Variants in STXBP6 observed in about 807,000 individuals in gnomAD.
The protein encoded by STXBP6 is syntaxin-binding protein 6.
STXBP6 carries 21 observed loss-of-function variants against 26.9 expected under a neutral mutation model. The ratio of observed to expected loss-of-function variants is 0.78; its 90% CI spans 0.55 to 1.12. STXBP6 has a LOEUF of 1.12. STXBP6 is among the 50% of genes most tolerant of loss of function. The probability of loss-of-function intolerance (pLI) is 0.00; values close to 1 mark genes in which losing one functional copy is unlikely to be tolerated. For missense variants in STXBP6, 232 were observed against 257.9 expected (o/e 0.90, Z 0.69); for synonymous variants, 97 against 92.6 (o/e 1.05, Z -0.27).
intron 2 of STXBP6, among the ~76,000 whole-genome samples, chr14:24,871,391 T>C (rs1452578310): frequency 6.6e-6 from 1 of 152,146 alleles, no homozygotes; most frequent in Non-Finnish European, 1.5e-5. Flanking sequence ...GAAGAAAAGA[T>C]TAAAAAATGA....
chr14:24,954,780 G>A (rs1375144045), intron 2 of STXBP6, among the ~76,000 whole-genome samples: 2 of 152,206 alleles, frequency 1.3e-5, no homozygotes, highest in Non-Finnish European at 2.9e-5. Context: ...GGCTTTCACT[G>A]ACAGAAAAAT....
chr14:24,995,204 AG>A (rs1307109699), intron 1 of STXBP6, among the ~76,000 whole-genome samples: 1 of 152,176 alleles, frequency 6.6e-6, no homozygotes, highest in Non-Finnish European at 1.5e-5. Flanking sequence ...ACATGGTAGA[AG>A]GAACAAGGCA....
chr14:25,048,316 G>A (rs1001689164), intron 1 of STXBP6, among the ~76,000 whole-genome samples: 8 of 152,200 alleles, frequency 5.3e-5, no homozygotes, highest in African/African-American at 1.7e-4. Context: ...AGGGAGGTAA[G>A]GCCACGATTA....
chr14:24,865,214 C>A (rs1333879263), intron 2 of STXBP6, among the ~76,000 whole-genome samples: 3 of 151,968 alleles, frequency 2.0e-5, no homozygotes, highest in African/African-American at 7.3e-5. Flanking sequence ...CAAAAATGGA[C>A]AAAATATATG....
At chr14:24,958,060 A>C (rs993685624) in intron 2 of STXBP6, among the ~76,000 whole-genome samples, 2 of 152,222 alleles carry the variant, frequency 1.3e-5, no homozygotes, top group African/African-American at 4.8e-5. Context: ...CTATCTTTTT[A>C]AAACTCATTA....
chr14:24,953,412 T>C (rs1351931399), intron 2 of STXBP6, among the ~76,000 whole-genome samples: 4 of 152,166 alleles, frequency 2.6e-5, no homozygotes, highest in African/African-American at 9.7e-5. Flanking sequence ...CACTCTCTGT[T>C]TGCTGAGCTG....
At chr14:24,883,827 T>C (rs917043227) in intron 2 of STXBP6, among the ~76,000 whole-genome samples, 1 of 152,158 alleles carries the variant, frequency 6.6e-6, no homozygotes, top group Non-Finnish European at 1.5e-5. Context: ...CAAATGGAAA[T>C]GTCAGACTAT....
chr14:24,934,268 A>G (rs1393276924), intron 2 of STXBP6, among the ~76,000 whole-genome samples: 2 of 152,224 alleles, frequency 1.3e-5, no homozygotes, highest in East Asian at 3.8e-4. Flanking sequence ...TCAAGAAATA[A>G]TTCTCTAACA....
At chr14:24,875,582 A>C (rs1460615509) in intron 2 of STXBP6, among the ~76,000 whole-genome samples, 1 of 152,186 alleles carries the variant, frequency 6.6e-6, no homozygotes, top group African/African-American at 2.4e-5. Context: ...TATTCTGTTG[A>C]AAGTGGAAAG....
chr14:24,854,458 CT>C (rs1396809982), intron 4 of STXBP6, among the ~76,000 whole-genome samples: 1 of 152,126 alleles, frequency 6.6e-6, no homozygotes, highest in Non-Finnish European at 1.5e-5. Flanking sequence ...AGAAGAGACT[CT>C]GTGCTTACAT....
intron 2 of STXBP6, among the ~76,000 whole-genome samples, chr14:24,920,662 G>A (rs532175503): frequency 6.6e-6 from 1 of 152,044 alleles, no homozygotes; most frequent in East Asian, 1.9e-4. Context: ...TGCTCCCAGA[G>A]GACCCTAAGA....
chr14:24,862,333 T>C (rs2069571961), intron 2 of STXBP6, among the ~76,000 whole-genome samples: 1 of 152,140 alleles, frequency 6.6e-6, no homozygotes, highest in East Asian at 1.9e-4. Flanking sequence ...CTGTTTCTTT[T>C]CTTTTCTTTT....
At chr14:24,823,189 C>A (rs1017548098) in intron 4 of STXBP6, among the ~76,000 whole-genome samples, 1 of 152,050 alleles carries the variant, frequency 6.6e-6, no homozygotes, top group Non-Finnish European at 1.5e-5. Context: ...AAAATATATA[C>A]GCTGACATCT....
chr14:24,921,358 C>G (rs1052638394), intron 2 of STXBP6, among the ~76,000 whole-genome samples: 1 of 152,080 alleles, frequency 6.6e-6, no homozygotes, highest in African/African-American at 2.4e-5. Flanking sequence ...GTGCTTAGAG[C>G]ACAGTGTGAT....
intron 2 of STXBP6, among the ~76,000 whole-genome samples, chr14:24,973,095 G>A (rs2073946783): frequency 6.6e-6 from 1 of 152,132 alleles, no homozygotes; most frequent in Non-Finnish European, 1.5e-5. Flanking sequence ...TCCAGCCTGG[G>A]CAACAGAGTG....
intron 2 of STXBP6, among the ~76,000 whole-genome samples, chr14:24,869,952 A>G (rs1443080398): frequency 1.3e-5 from 2 of 152,166 alleles, no homozygotes; most frequent in East Asian, 1.9e-4. Context: ...ACTATGAAGT[A>G]TGGTTCCCTA....
intron 4 of STXBP6, among the ~76,000 whole-genome samples, chr14:24,847,394 C>T (rs971084422): frequency 6.6e-6 from 1 of 152,114 alleles, no homozygotes; most frequent in Non-Finnish European, 1.5e-5. Flanking sequence ...CCTTTAGTCT[C>T]AGAGATTACA....
At chr14:24,822,143 C>A (rs1016417297) in intron 4 of STXBP6, among the ~76,000 whole-genome samples, 1 of 151,834 alleles carries the variant, frequency 6.6e-6, no homozygotes, top group African/African-American at 2.4e-5. Flanking sequence ...TAAGTCAAAA[C>A]CTCAACTCAT....
intron 2 of STXBP6, among the ~76,000 whole-genome samples, chr14:24,918,236 T>C (rs531672894): frequency 1.9e-3 from 295 of 151,962 alleles, no homozygotes; most frequent in African/African-American, 6.6e-3. Context: ...AAAAACCAAT[T>C]GTACATCTAA....
Sources: allele counts gnomAD v4.1 joint callset (sites outside exome capture counted in the v4.1 genomes callset), GRCh38; gene constraint gnomAD v4.1.1; transcripts MANE v1.5; gene names NCBI Gene and HGNC (gene_info 2026-07-23, HGNC 2026-07-21).